CCDC178: variants seen among roughly 807,000 people sequenced by gnomAD.
The protein encoded by CCDC178 is coiled-coil domain containing 178, also known as coiled-coil domain-containing protein 178.
CCDC178 carries 126 observed loss-of-function variants against 117.4 expected under a neutral mutation model. The observed-to-expected ratio is 1.07, with a 90% CI of 0.93 to 1.24. The LOEUF (loss-of-function observed/expected upper bound fraction) is 1.24. Among genes scored for constraint, CCDC178 ranks in the 50% most tolerant of loss-of-function variants. CCDC178 has a pLI of 0.00. For missense variants in CCDC178, 1,030 were observed against 986.9 expected (o/e 1.04, Z -0.59); for synonymous variants, 283 against 313.4 (o/e 0.90, Z 1.02).
At chr18:33,335,806 A>C (rs1238915407) in intron 9 of CCDC178, among the ~76,000 whole-genome samples, 1 of 152,070 alleles carries the variant, frequency 6.6e-6, no homozygotes, top group Non-Finnish European at 1.5e-5. Context: ...ATAATCCTAT[A>C]TCTGACACAT....
chr18:33,069,478 G>T (rs556365930), intron 21 of CCDC178, among the ~76,000 whole-genome samples: 5 of 152,092 alleles, frequency 3.3e-5, no homozygotes, highest in Non-Finnish European at 5.9e-5. Context: ...TCTATAGGCA[G>T]AAGAATTAAA....
chr18:33,412,324 C>T (rs1441092077), intron 2 of CCDC178, among the ~76,000 whole-genome samples: 1 of 152,066 alleles, frequency 6.6e-6, no homozygotes, highest in East Asian at 1.9e-4. Context: ...GATCTTTGAT[C>T]TTCTACTTTG....
chr18:33,161,383 A>ACAT (rs2144382327), intron 20 of CCDC178, among the ~76,000 whole-genome samples: 1 of 152,112 alleles, frequency 6.6e-6, no homozygotes, highest in South Asian at 2.1e-4. Flanking sequence ...AATGGGTGAC[A>ACAT]CATTCTATCA....
At chr18:32,945,721 T>C (rs778854796) in intron 22 of CCDC178, among the ~76,000 whole-genome samples, 1 of 152,148 alleles carries the variant, frequency 6.6e-6, no homozygotes, top group South Asian at 2.1e-4. Flanking sequence ...CCTACAAATT[T>C]GGGTTTTTTT....
At chr18:33,211,353 C>T (rs1334229307) in intron 20 of CCDC178, among the ~76,000 whole-genome samples, 2 of 151,692 alleles carry the variant, frequency 1.3e-5, no homozygotes, top group Non-Finnish European at 2.9e-5. Flanking sequence ...TGAATGCAAA[C>T]ATTTTATAGG....
intron 11 of CCDC178, among the ~76,000 whole-genome samples, chr18:33,310,069 C>A (rs766970332): frequency 2.3e-4 from 35 of 151,942 alleles, no homozygotes; most frequent in Non-Finnish European, 4.3e-4. Context: ...TCAAGCAATT[C>A]CCCTGCCTCA....
intron 9 of CCDC178, among the ~76,000 whole-genome samples, chr18:33,339,801 C>T (rs1266843093): frequency 6.6e-6 from 1 of 152,052 alleles, no homozygotes; most frequent in Non-Finnish European, 1.5e-5. Flanking sequence ...TAAGAAGTGC[C>T]TTTCACCACC....
chr18:33,062,343 C>G (rs937099902), intron 21 of CCDC178, among the ~76,000 whole-genome samples: 2 of 152,148 alleles, frequency 1.3e-5, no homozygotes, highest in Non-Finnish European at 1.5e-5. Flanking sequence ...CTTGACTTCA[C>G]GATGGCTGAA....
chr18:33,234,248 A>G lies in CCDC178; in HGVS notation c.1594-7393T>C, dbSNP rs138355377. ...TTTAATCCTGCTGTACCTTCACACT[A>G]TTTCTGTTTTCCTTGTATTCTCCTT... On this transcript the variant is annotated intron_variant, in intron 15 of 22. Coordinates refer to ENST00000383096, the MANE Select transcript of CCDC178 (RefSeq NM_001105528.4). Among the ~76,000 whole-genome samples the G allele has an allele frequency of 2.2e-3, 327 of 152,074 alleles. 3 individuals carry two copies. Among genetic ancestry groups the G allele is most frequent in the Non-Finnish European group, 2.3e-3 (157 of 67,930 alleles).
chr18:33,367,445 G>C (rs2063226758), intron 6 of CCDC178, among the ~76,000 whole-genome samples: 1 of 151,992 alleles, frequency 6.6e-6, no homozygotes, highest in Non-Finnish European at 1.5e-5. Flanking sequence ...ATCTTTCAAA[G>C]AGTTCTTTCC....
chr18:33,167,751 C>T (rs2058550524), intron 20 of CCDC178, among the ~76,000 whole-genome samples: 1 of 152,030 alleles, frequency 6.6e-6, no homozygotes, highest in Non-Finnish European at 1.5e-5. Flanking sequence ...CCTGTAATCA[C>T]AGCTACTTGA....
intron 21 of CCDC178, among the ~76,000 whole-genome samples, chr18:33,050,438 A>G (rs1449381801): frequency 6.6e-6 from 1 of 152,192 alleles, no homozygotes; most frequent in African/African-American, 2.4e-5. Context: ...GAAATTATTA[A>G]TTTAAGATTC....
At chr18:32,939,823 TCCG>T (rs2054198717) in intron 22 of CCDC178, among the ~76,000 whole-genome samples, 1 of 152,136 alleles carries the variant, frequency 6.6e-6, no homozygotes, top group Admixed American at 6.5e-5. Flanking sequence ...CTCTTTCATA[TCCG>T]AAATGTTTGG....
At chr18:33,403,271 C>A (rs1226280594) in intron 3 of CCDC178, among the ~76,000 whole-genome samples, 1 of 152,162 alleles carries the variant, frequency 6.6e-6, no homozygotes, top group Non-Finnish European at 1.5e-5. Flanking sequence ...AGAGAAATAT[C>A]TGTTCCGCCA....
intron 11 of CCDC178, 71 bp downstream of exon 11, chr18:33,323,420 A>T (rs1427163228): frequency 3.0e-6 from 3 of 997,182 alleles, no homozygotes; most frequent in African/African-American, 1.7e-5. Flanking sequence ...TCTATATAGA[A>T]ATATACATTA....
chr18:33,214,686 T>A (rs1644823290), intron 19 of CCDC178, among the ~76,000 whole-genome samples: 1 of 152,008 alleles, frequency 6.6e-6, no homozygotes, highest in Non-Finnish European at 1.5e-5. Flanking sequence ...ATGAGTAGTG[T>A]TTTTCAGATA....
intron 12 of CCDC178, among the ~76,000 whole-genome samples, chr18:33,270,287 CAAA>C (rs1234707251): frequency 1.2e-4 from 18 of 151,122 alleles, no homozygotes; most frequent in Admixed American, 5.3e-4. Context: ...TAAAAGTAGT[CAAA>C]GAAGAAAAGA....
At chr18:33,373,707 A>G (rs1215584915) in intron 5 of CCDC178, among the ~76,000 whole-genome samples, 1 of 152,136 alleles carries the variant, frequency 6.6e-6, no homozygotes, top group African/African-American at 2.4e-5. Flanking sequence ...TATCTTCCCC[A>G]TGAAGTTCTT....
intron 19 of CCDC178, among the ~76,000 whole-genome samples, chr18:33,214,785 A>G (rs1271995167): frequency 2.6e-5 from 4 of 152,018 alleles, no homozygotes; most frequent in African/African-American, 9.7e-5. Context: ...ACTCCATTAG[A>G]ATGCATGGCA....
Sources: gnomAD v4.1 joint callset for allele counts (sites outside exome capture counted in the v4.1 genomes callset) on GRCh38, gnomAD v4.1.1 for gene constraint, MANE v1.5 for transcripts, NCBI Gene and HGNC (gene_info 2026-07-23, HGNC 2026-07-21) for gene names.